Variants in GRM8 observed in about 807,000 individuals in gnomAD.
GRM8 encodes metabotropic glutamate receptor 8.
GRM8 carries 47 observed loss-of-function variants against 87.2 expected under a neutral mutation model. That is an observed-to-expected ratio of 0.54 (90% CI 0.43 to 0.69). The LOEUF is 0.69. Ranked by LOEUF, GRM8 falls within the 30% of genes least tolerant of loss-of-function variation. The pLI, the probability that GRM8 is intolerant of heterozygous loss-of-function variation, is 0.00. For synonymous variants in GRM8, 396 were observed against 404.5 expected, an observed-to-expected ratio of 0.98 and a Z score of 0.25; for missense variants, 1,019 against 1,139.2, an observed-to-expected ratio of 0.89 and a Z score of 1.52.
chr7:126,653,285 G>C (rs1804127064), intron 7 of GRM8, among the ~76,000 whole-genome samples: 1 of 125,538 alleles, frequency 8.0e-6, no homozygotes, highest in South Asian at 3.0e-4. Context: ...GGGTGACAGA[G>C]TGAGATCCTG....
chr7:127,181,156 C>T (rs550582249), intron 2 of GRM8, among the ~76,000 whole-genome samples: 285 of 152,150 alleles, frequency 1.9e-3, no homozygotes, highest in African/African-American at 6.5e-3. Flanking sequence ...TTTCCACATA[C>T]AAGATTAATG....
intron 3 of GRM8, chr7:127,058,016 A>G (rs1820174329): frequency 6.2e-6 from 2 of 324,704 alleles, no homozygotes; most frequent in Non-Finnish European, 1.3e-5. Flanking sequence ...TAAAATCTCA[A>G]GCTTTTAGTT....
rs150015937 is a variant in GRM8, at chr7:126,446,309, T to C, written c.2494A>G (p.Met832Val). 8.9e-5 allele frequency: 143 copies of C among 1,610,782 alleles called. No homozygotes were observed. Among genetic ancestry groups the C allele is most frequent in the Non-Finnish European group, 1.1e-4 (130 of 1,177,656 alleles). Residue 832 changes from methionine to valine, a missense_variant, in exon 10 of 11, where the codon ATG (methionine) becomes GTG (valine). Coordinates refer to ENST00000339582, the MANE Select transcript of GRM8 (RefSeq NM_000845.3). ...MSLSASVSLGMLYMPKVYIII... is the reference protein window; with the variant it reads ...MSLSASVSLGVLYMPKVYIII... ...ATATAAACCTTGGGCATATAGAGCATGCCCAGAGATACTGAAGCACTTAAA... is the reference window on the plus strand; with the variant it reads ...ATATAAACCTTGGGCATATAGAGCACGCCCAGAGATACTGAAGCACTTAAA...
At chr7:126,660,267 A>G (rs1321324340) in intron 7 of GRM8, among the ~76,000 whole-genome samples, 1 of 152,168 alleles carries the variant, frequency 6.6e-6, no homozygotes, top group Non-Finnish European at 1.5e-5. Flanking sequence ...TCTGTGCTTT[A>G]ATTTCTTTAT....
At position 127,122,282 on chromosome 7, in the gene GRM8, C is replaced by T. The variant is rs150272841; in HGVS notation, c.511-15570G>A. ...GCTTCTCAAAAGCTTCCCACATTTT[C>T]GGTGCTTAAATGAAAATATACTTTT... On this transcript the variant is annotated intron_variant, in intron 2 of 10. Transcript: ENST00000339582. Among the ~76,000 whole-genome samples, 197 of 152,220 alleles carry T rather than the reference C, an allele frequency of 1.3e-3. 1 individual carries two copies. The highest frequency in any genetic ancestry group is 4.2e-3 in the African/African-American group (176 of 41,546).
chr7:126,470,164 T>G (rs1804989642), intron 9 of GRM8, among the ~76,000 whole-genome samples: 1 of 152,112 alleles, frequency 6.6e-6, no homozygotes, highest in African/African-American at 2.4e-5. Context: ...ATGATTTATC[T>G]GGCAGAAGAA....
At chr7:127,242,294 A>G (rs1236078940) in intron 2 of GRM8, among the ~76,000 whole-genome samples, 2 of 152,206 alleles carry the variant, frequency 1.3e-5, no homozygotes, top group East Asian at 3.8e-4. Context: ...AAGAAGTTTC[A>G]CTCAGTAAAT....
chr7:126,955,078 CA>C (rs1808537407), intron 3 of GRM8, among the ~76,000 whole-genome samples: 1 of 151,794 alleles, frequency 6.6e-6, no homozygotes, highest in South Asian at 2.1e-4. Flanking sequence ...GAATAAAAGG[CA>C]AAAGAATAAG....
intron 7 of GRM8, among the ~76,000 whole-genome samples, chr7:126,758,384 T>C (rs1226066004): frequency 6.6e-6 from 1 of 152,136 alleles, no homozygotes; most frequent in Non-Finnish European, 1.5e-5. Context: ...AAATAACTTA[T>C]CCAAGATCTT....
intron 9 of GRM8, among the ~76,000 whole-genome samples, chr7:126,515,628 T>C (rs990303516): frequency 3.9e-5 from 6 of 152,050 alleles, no homozygotes; most frequent in African/African-American, 9.7e-5. Context: ...GAGCGGAACC[T>C]GTGTTCTCAC....
At chr7:127,216,868 C>T (rs1268675665) in intron 2 of GRM8, among the ~76,000 whole-genome samples, 1 of 152,176 alleles carries the variant, frequency 6.6e-6, no homozygotes, top group Non-Finnish European at 1.5e-5. Flanking sequence ...CACTTCTCAT[C>T]ATGAGTCTCA....
chr7:126,649,096 C>T lies in GRM8; in HGVS notation c.1358-39598G>A, dbSNP rs1803499127. Among the ~76,000 whole-genome samples, 4 of 152,158 alleles carry T rather than the reference C, an allele frequency of 2.6e-5. No homozygotes were observed. In the South Asian group the frequency reaches 6.2e-4, roughly 24 times the overall value. On this transcript the variant is annotated intron_variant, in intron 7 of 10. Coordinates refer to ENST00000339582, the MANE Select transcript of GRM8 (RefSeq NM_000845.3). The stretch of plus-strand genomic sequence containing the variant: ...AATGTGGATCCCAAATGTGAATTAT[C>T]TATTATAAATGTGATAACAGAGACA...
intron 2 of GRM8, among the ~76,000 whole-genome samples, chr7:127,109,316 C>T (rs1460151898): frequency 2.0e-5 from 3 of 152,060 alleles, no homozygotes; most frequent in Admixed American, 6.6e-5. Flanking sequence ...TATCAGTTCC[C>T]CCATCCTTTA....
chr7:126,787,613 A>G (rs1820761945), intron 6 of GRM8, among the ~76,000 whole-genome samples: 1 of 152,056 alleles, frequency 6.6e-6, no homozygotes, highest in Non-Finnish European at 1.5e-5. Flanking sequence ...CTCTTTTCCT[A>G]TTATATTTAC....
At chr7:126,477,493 T>C (rs1806064129) in intron 9 of GRM8, among the ~76,000 whole-genome samples, 1 of 151,588 alleles carries the variant, frequency 6.6e-6, no homozygotes, top group Non-Finnish European at 1.5e-5. Context: ...ATGTCAGATA[T>C]CTTCAATATA....
intron 9 of GRM8, among the ~76,000 whole-genome samples, chr7:126,488,387 A>C (rs1284536947): frequency 6.6e-6 from 1 of 152,002 alleles, no homozygotes; most frequent in African/African-American, 2.4e-5. Flanking sequence ...ACAGTCCCTG[A>C]AAATGTCTTT....
chr7:126,669,687 C>T (rs1288379097), intron 7 of GRM8, among the ~76,000 whole-genome samples: 1 of 152,162 alleles, frequency 6.6e-6, no homozygotes, highest in African/African-American at 2.4e-5. Context: ...ACAATTAAAG[C>T]AACTTAACAA....
At chr7:127,112,992 T>C (rs1438429439) in intron 2 of GRM8, among the ~76,000 whole-genome samples, 1 of 152,172 alleles carries the variant, frequency 6.6e-6, no homozygotes, top group African/African-American at 2.4e-5. Flanking sequence ...AAAAAAGTGC[T>C]TACATCTCCC....
chr7:126,583,282 G>C (rs1795784723), intron 8 of GRM8, among the ~76,000 whole-genome samples: 1 of 152,004 alleles, frequency 6.6e-6, no homozygotes, highest in African/African-American at 2.4e-5. Context: ...CTTGAACCCG[G>C]GAAAGGAGGT....
Sources: allele counts gnomAD v4.1 joint callset (sites outside exome capture counted in the v4.1 genomes callset), GRCh38; gene constraint gnomAD v4.1.1; transcripts MANE v1.5; gene names NCBI Gene and HGNC (gene_info 2026-07-23, HGNC 2026-07-21).